CRIM1: variants seen among roughly 807,000 people sequenced by gnomAD.
The protein encoded by CRIM1 is cysteine rich transmembrane BMP regulator 1.
Under a neutral mutation model 116.4 loss-of-function variants are expected in CRIM1, and 32 were observed. The observed-to-expected ratio is 0.27, with a 90% confidence interval of 0.21 to 0.37. CRIM1 has a LOEUF of 0.37. Ranked by LOEUF, CRIM1 falls within the 10% of genes least tolerant of loss-of-function variation. CRIM1 has a pLI of 1.00. For missense variants in CRIM1, 1,331 were observed against 1,354.8 expected (o/e 0.98, Z 0.28); for synonymous variants, 590 against 509.2 (o/e 1.16, Z -2.13).
At chr2:36,541,183 C>T (rs181439010) in intron 14 of CRIM1, among the ~76,000 whole-genome samples, 3 of 152,262 alleles carry the variant, frequency 2.0e-5, no homozygotes, top group Admixed American at 6.5e-5. Flanking sequence ...AAGTTTCACG[C>T]TTCCATTTCT....
intron 2 of CRIM1, among the ~76,000 whole-genome samples, chr2:36,408,250 G>T (rs531574361): frequency 6.6e-6 from 1 of 152,362 alleles, no homozygotes; most frequent in South Asian, 2.1e-4. Flanking sequence ...CCTAAAAAAT[G>T]TTGGTCTAAT....
chr2:36,487,981 T>C (rs1186467804), intron 7 of CRIM1, among the ~76,000 whole-genome samples: 1 of 152,196 alleles, frequency 6.6e-6, no homozygotes, highest in Non-Finnish European at 1.5e-5. Context: ...TCAAAATAGG[T>C]TGCGATTCTA....
intron 4 of CRIM1, among the ~76,000 whole-genome samples, chr2:36,458,259 A>G (rs1677299826): frequency 6.6e-6 from 1 of 152,162 alleles, no homozygotes; most frequent in African/African-American, 2.4e-5. Flanking sequence ...TTAGGATAAC[A>G]TCAGCACCCA....
intron 13 of CRIM1, chr2:36,529,340 C>T: frequency 3.2e-6 from 1 of 311,228 alleles, no homozygotes; most frequent in Non-Finnish European, 6.7e-6. Context: ...GGTCCAATGG[C>T]TTCTACGTTA....
In CRIM1 at chr2:36,550,140, C is replaced by T; in HGVS notation, c.*1439C>T. 1 of 152,172 alleles carries T rather than the reference C, an allele frequency of 6.6e-6. No homozygotes were observed. The highest frequency in any genetic ancestry group is 1.5e-5 in the Non-Finnish European group (1 of 67,976). The allele number at this position is 152,172 out of a possible 1,614,324, so 9.4% of individuals were successfully genotyped here. ...AAGGGTATTCCTTTATTAAAATCTTCCTCATTTGGATTTGCTTTCAGTTGG... is the reference window on the plus strand; with the variant it reads ...AAGGGTATTCCTTTATTAAAATCTTTCTCATTTGGATTTGCTTTCAGTTGG... On this transcript the variant is annotated 3_prime_UTR_variant, in exon 17 of 17. Coordinates refer to ENST00000280527, the MANE Select transcript of CRIM1 (RefSeq NM_016441.3).
chr2:36,444,466 C>G lies in CRIM1; in HGVS notation c.869+1731C>G, dbSNP rs907792052. ...GTATTAGGTTGGAAAGGAGGTTGAA[C>G]TAGCTGCCTTCCATTTTATCCTCAA... On this transcript the variant is annotated intron_variant, in intron 4 of 16. Transcript: ENST00000280527. 4.8e-4 allele frequency among the ~76,000 whole-genome samples: 73 copies of G among 152,332 alleles called. 2 individuals carry two copies. The highest frequency in any genetic ancestry group is 1.5e-3 in the South Asian group (7 of 4,826).
chr2:36,501,713 C>A (rs1681009492), intron 8 of CRIM1, among the ~76,000 whole-genome samples: 1 of 151,548 alleles, frequency 6.6e-6, no homozygotes, highest in African/African-American at 2.4e-5. Flanking sequence ...CAGAGCAAGA[C>A]CCTTTTTCAA....
chr2:36,378,252 A>T (rs1438608684), intron 1 of CRIM1: 1 of 468,054 alleles, frequency 2.1e-6, no homozygotes, highest in Non-Finnish European at 4.4e-6. Context: ...TGAGTAATTG[A>T]TGGGATATTT....
intron 1 of CRIM1, among the ~76,000 whole-genome samples, chr2:36,390,958 C>T (rs754736136): frequency 6.6e-6 from 1 of 151,722 alleles, no homozygotes; most frequent in Admixed American, 6.6e-5. Context: ...TACAGGCATG[C>T]GCCACCATAC....
chr2:36,472,955 G>A (rs1258146152), intron 5 of CRIM1, among the ~76,000 whole-genome samples: 1 of 152,080 alleles, frequency 6.6e-6, no homozygotes, highest in Admixed American at 6.6e-5. Context: ...AAAAAATGTT[G>A]TATCCATGTA....
intron 4 of CRIM1, 126 bp from the exon 5 acceptor site, chr2:36,464,408 G>C (rs1677830857): frequency 1.1e-6 from 1 of 932,134 alleles, no homozygotes; most frequent in Admixed American, 2.1e-5. Context: ...AGTGACACCA[G>C]ATAAAGGAGG....
chr2:36,369,760 C>T (rs1194112153), intron 1 of CRIM1, among the ~76,000 whole-genome samples: 2 of 152,170 alleles, frequency 1.3e-5, no homozygotes, highest in East Asian at 1.9e-4. Flanking sequence ...AAGATGTACT[C>T]AGGGTAGTGA....
At chr2:36,537,973 T>C (rs1267622332) in intron 14 of CRIM1, among the ~76,000 whole-genome samples, 1 of 152,204 alleles carries the variant, frequency 6.6e-6, no homozygotes, top group Non-Finnish European at 1.5e-5. Context: ...ATTTAAAGAA[T>C]ATAGTTCTGG....
intron 1 of CRIM1, among the ~76,000 whole-genome samples, chr2:36,390,776 C>T (rs1172961667): frequency 6.6e-6 from 1 of 152,052 alleles, no homozygotes; most frequent in Non-Finnish European, 1.5e-5. Context: ...ACTGGTAAGA[C>T]TTAACTGTGA....
chr2:36,467,244 T>C (rs1678117899), intron 5 of CRIM1, among the ~76,000 whole-genome samples: 1 of 152,334 alleles, frequency 6.6e-6, no homozygotes, highest in South Asian at 2.1e-4. Context: ...TGGAACTGTG[T>C]CTATTGATAT....
chr2:36,428,054 A>G (rs1674596333), intron 2 of CRIM1, among the ~76,000 whole-genome samples: 2 of 152,362 alleles, frequency 1.3e-5, no homozygotes, highest in African/African-American at 4.8e-5. Context: ...GAACTTTGTA[A>G]TCAAACACTT....
chr2:36,379,711 T>A (rs952676471), intron 1 of CRIM1, among the ~76,000 whole-genome samples: 4 of 151,624 alleles, frequency 2.6e-5, no homozygotes, highest in Non-Finnish European at 5.9e-5. Context: ...GAGGTCATAA[T>A]TGGTCAGGGA....
At chr2:36,435,188 A>G (rs1054079946) in intron 2 of CRIM1, among the ~76,000 whole-genome samples, 1 of 152,218 alleles carries the variant, frequency 6.6e-6, no homozygotes, top group African/African-American at 2.4e-5. Flanking sequence ...CGGAAAAAAC[A>G]GTGACCCCAG....
chr2:36,519,986 A>C (rs1450950356), intron 12 of CRIM1, among the ~76,000 whole-genome samples: 1 of 152,196 alleles, frequency 6.6e-6, no homozygotes, highest in Non-Finnish European at 1.5e-5. Flanking sequence ...AAAGGAGTAA[A>C]CGTTTGGAAA....
Sources: allele counts gnomAD v4.1 joint callset (sites outside exome capture counted in the v4.1 genomes callset), GRCh38; gene constraint gnomAD v4.1.1; transcripts MANE v1.5; gene names NCBI Gene and HGNC (gene_info 2026-07-23, HGNC 2026-07-21).